MTUS2: variants seen among roughly 807,000 people sequenced by gnomAD.
MTUS2 encodes microtubule-associated tumor suppressor candidate 2.
MTUS2 carries 40 observed loss-of-function variants against 114.1 expected under a neutral mutation model. The ratio of observed to expected loss-of-function variants is 0.35; its 90% CI spans 0.27 to 0.46. MTUS2 has a LOEUF of 0.46. MTUS2 is among the 20% of genes least tolerant of loss of function. The pLI, the probability that MTUS2 is intolerant of heterozygous loss-of-function variation, is 1.00. For missense variants in MTUS2, 1,679 were observed against 1,705.4 expected, an observed-to-expected ratio of 0.98 and a Z score of 0.27; for synonymous variants, 688 against 672.0, an observed-to-expected ratio of 1.02 and a Z score of -0.37.
intron 2 of MTUS2, among the ~76,000 whole-genome samples, chr13:28,860,547 C>CGGCAGTGGA (rs1311072930): frequency 3.9e-5 from 6 of 152,142 alleles, no homozygotes; most frequent in Admixed American, 3.9e-4. Context: ...AAGGCAGTGG[C>CGGCAGTGGA]GGCAGTGGAG....
chr13:29,037,925 A>G (rs1887158585), intron 4 of MTUS2, among the ~76,000 whole-genome samples: 1 of 152,102 alleles, frequency 6.6e-6, no homozygotes, highest in South Asian at 2.1e-4. Context: ...CCTTTTTTCA[A>G]GGTGCTTAGC....
intron 5 of MTUS2, among the ~76,000 whole-genome samples, chr13:29,238,627 T>C (rs561648649): frequency 6.6e-6 from 1 of 152,324 alleles, no homozygotes; most frequent in South Asian, 2.1e-4. Flanking sequence ...TGCCTGCTTT[T>C]TTCTAGCTCT....
At chr13:29,381,814 G>T (rs543899452) in intron 8 of MTUS2, among the ~76,000 whole-genome samples, 1 of 151,940 alleles carries the variant, frequency 6.6e-6, no homozygotes, top group East Asian at 1.9e-4. Flanking sequence ...GTTTCATGGA[G>T]CCTGGAAAAA....
intron 5 of MTUS2, among the ~76,000 whole-genome samples, chr13:29,135,117 C>T (rs1891924652): frequency 6.6e-6 from 1 of 152,128 alleles, no homozygotes; most frequent in Non-Finnish European, 1.5e-5. Flanking sequence ...TTTGTTCCAC[C>T]CACGTCAGAA....
chr13:29,233,294 G>T (rs1432059963), intron 5 of MTUS2, among the ~76,000 whole-genome samples: 1 of 151,956 alleles, frequency 6.6e-6, no homozygotes, highest in Non-Finnish European at 1.5e-5. Context: ...TTGGACATAG[G>T]TGACCAAAAA....
At chr13:28,829,920 A>C (rs1191905027) in intron 1 of MTUS2, among the ~76,000 whole-genome samples, 1 of 152,226 alleles carries the variant, frequency 6.6e-6, no homozygotes, top group Non-Finnish European at 1.5e-5. Flanking sequence ...CTGTCATCTC[A>C]GACTAACAAT....
chr13:29,364,653 A>G (rs1870553999), intron 8 of MTUS2, among the ~76,000 whole-genome samples: 1 of 152,218 alleles, frequency 6.6e-6, no homozygotes, highest in African/African-American at 2.4e-5. Flanking sequence ...CAGATTTTAA[A>G]TTCAGGGATT....
intron 4 of MTUS2, among the ~76,000 whole-genome samples, chr13:29,050,240 G>A (rs1291632322): frequency 2.6e-5 from 4 of 151,686 alleles, no homozygotes; most frequent in Non-Finnish European, 4.4e-5. Context: ...AAATGTTAGG[G>A]AACTAGATAC....
In MTUS2 at chr13:29,432,460, C is replaced by T. The variant is rs552411985; in HGVS notation, c.3118-7523C>T. On this transcript the variant is annotated intron_variant, in intron 8 of 15. Transcript: ENST00000612955. ...AATACGAGCTTCCTTTTTAACAATA[C>T]GAAATATAACTGACAAGCAAACAAT... is the stretch of plus-strand genomic sequence containing the variant. Among the ~76,000 whole-genome samples the T allele has an allele frequency of 2.1e-4, 32 of 152,208 alleles. No homozygotes were observed. The South Asian group carries it at 4.6e-3, about 22-fold the overall frequency.
intron 2 of MTUS2, among the ~76,000 whole-genome samples, chr13:28,937,858 A>G (rs776525938): frequency 1.3e-5 from 2 of 152,140 alleles, no homozygotes; most frequent in African/African-American, 2.4e-5. Flanking sequence ...TCTGAAGACA[A>G]AGACTTGAAG....
chr13:29,073,132 A>G (rs1889021017), intron 4 of MTUS2, among the ~76,000 whole-genome samples: 2 of 152,176 alleles, frequency 1.3e-5, no homozygotes, highest in South Asian at 4.1e-4. Flanking sequence ...AGTCACTTTC[A>G]ATGATACAAC....
intron 2 of MTUS2, among the ~76,000 whole-genome samples, chr13:28,912,940 T>C (rs1296416753): frequency 6.6e-6 from 1 of 152,004 alleles, no homozygotes; most frequent in Non-Finnish European, 1.5e-5. Flanking sequence ...AAATGACGAG[T>C]TAATGGGTGC....
chr13:29,346,906 G>A (rs1478374213), intron 7 of MTUS2, among the ~76,000 whole-genome samples: 1 of 150,360 alleles, frequency 6.7e-6, no homozygotes, highest in East Asian at 2.0e-4. Flanking sequence ...TCCCTATAAG[G>A]TCAAATCCTT....
chr13:28,895,767 G>T (rs967829239), intron 2 of MTUS2, among the ~76,000 whole-genome samples: 1 of 152,192 alleles, frequency 6.6e-6, no homozygotes, highest in Non-Finnish European at 1.5e-5. Flanking sequence ...ACTAGCACCA[G>T]TGGGAATTTA....
chr13:29,265,733 G>C (rs1281218468), intron 5 of MTUS2, among the ~76,000 whole-genome samples: 1 of 152,100 alleles, frequency 6.6e-6, no homozygotes, highest in Non-Finnish European at 1.5e-5. Context: ...AGCAAGGAGG[G>C]GGTCTGCTAC....
intron 4 of MTUS2, among the ~76,000 whole-genome samples, chr13:29,090,731 G>A (rs895631501): frequency 3.3e-5 from 5 of 152,226 alleles, no homozygotes; most frequent in African/African-American, 1.2e-4. Flanking sequence ...GTGCAGGAGA[G>A]CCCTGCTCTC....
At chr13:29,099,331 T>C (rs1890311985) in intron 4 of MTUS2, among the ~76,000 whole-genome samples, 1 of 152,206 alleles carries the variant, frequency 6.6e-6, no homozygotes, top group Admixed American at 6.5e-5. Context: ...CCTTTTGCAC[T>C]TACTCGGTTC....
intron 2 of MTUS2, among the ~76,000 whole-genome samples, chr13:29,009,278 C>G (rs1885735352): frequency 6.6e-6 from 1 of 151,988 alleles, no homozygotes; most frequent in South Asian, 2.1e-4. Flanking sequence ...TGGAATACTA[C>G]TCAGCAATAA....
At chr13:29,117,289 T>C (rs1479319699) in intron 5 of MTUS2, among the ~76,000 whole-genome samples, 2 of 152,164 alleles carry the variant, frequency 1.3e-5, no homozygotes, top group Non-Finnish European at 2.9e-5. Flanking sequence ...CTGCGACCCA[T>C]GTGGACTTCC....
Sources: allele counts gnomAD v4.1 joint callset (sites outside exome capture counted in the v4.1 genomes callset), GRCh38; gene constraint gnomAD v4.1.1; transcripts MANE v1.5; gene names NCBI Gene and HGNC (gene_info 2026-07-23, HGNC 2026-07-21).